The following SMYD3 variants were observed in gnomAD, a reference collection of about 807,000 sequenced individuals.
The protein encoded by SMYD3 is SET and MYND domain containing 3.
In SMYD3, 36 loss-of-function variants were observed where a neutral mutation model predicts 57.7. That is an observed-to-expected ratio of 0.62 (90% CI 0.48 to 0.82). SMYD3 has a LOEUF of 0.82. Ranked by LOEUF, SMYD3 falls within the 40% of genes least tolerant of loss-of-function variation. SMYD3 has a pLI of 0.00. For synonymous variants in SMYD3, 211 were observed against 195.0 expected (o/e 1.08, Z -0.68); for missense variants, 515 against 538.8 (o/e 0.96, Z 0.44).
chr1:246,444,273 G>GCC (rs765905775), intron 1 of SMYD3, among the ~76,000 whole-genome samples: 2,289 of 152,182 alleles, frequency 0.015, 27 homozygotes, highest in Non-Finnish European at 0.024. Flanking sequence ...TTACAGGCAT[G>GCC]TGCCACCACG....
intron 10 of SMYD3, among the ~76,000 whole-genome samples, chr1:245,825,256 C>A (rs1051290125): frequency 6.6e-6 from 1 of 152,176 alleles, no homozygotes; most frequent in Non-Finnish European, 1.5e-5. Flanking sequence ...CATCTCCCTA[C>A]GTTCTCTTAG....
intron 1 of SMYD3, among the ~76,000 whole-genome samples, chr1:246,417,070 C>T (rs957134582): frequency 2.6e-5 from 4 of 152,158 alleles, no homozygotes; most frequent in Non-Finnish European, 4.4e-5. Flanking sequence ...CCTCTGTTCA[C>T]CCTACAGTTC....
At chr1:245,773,662 AT>A (rs1297438131) in intron 10 of SMYD3, among the ~76,000 whole-genome samples, 2 of 152,164 alleles carry the variant, frequency 1.3e-5, no homozygotes, top group Non-Finnish European at 1.5e-5. Flanking sequence ...TGACAGCACT[AT>A]TTTTTTAGAG....
chr1:246,462,707 T>C (rs2067820822), intron 1 of SMYD3, among the ~76,000 whole-genome samples: 1 of 152,122 alleles, frequency 6.6e-6, no homozygotes, highest in Non-Finnish European at 1.5e-5. Flanking sequence ...TTTTATGTTG[T>C]AAGAAATCAG....
chr1:246,117,121 C>T (rs1442175858), intron 5 of SMYD3, among the ~76,000 whole-genome samples: 1 of 152,206 alleles, frequency 6.6e-6, no homozygotes, highest in Non-Finnish European at 1.5e-5. Flanking sequence ...AAATAATCCA[C>T]TCTACACTTG....
chr1:246,252,663 G>A (rs868426684), intron 5 of SMYD3, among the ~76,000 whole-genome samples: 6 of 152,260 alleles, frequency 3.9e-5, no homozygotes, highest in Admixed American at 1.3e-4. Flanking sequence ...TTCTAAAGAC[G>A]TCTGTCCTGA....
At chr1:246,432,099 T>C (rs1254731843) in intron 1 of SMYD3, among the ~76,000 whole-genome samples, 2 of 152,212 alleles carry the variant, frequency 1.3e-5, no homozygotes, top group African/African-American at 4.8e-5. Context: ...AAACTTAGAT[T>C]GGACTACATG....
chr1:246,328,242 G>A (rs554620251), intron 4 of SMYD3, among the ~76,000 whole-genome samples: 1 of 152,214 alleles, frequency 6.6e-6, no homozygotes, highest in South Asian at 2.1e-4. Context: ...AACCCAAACA[G>A]AAGGAGATGG....
chr1:246,435,313 A>G (rs2067354781), intron 1 of SMYD3, among the ~76,000 whole-genome samples: 1 of 151,992 alleles, frequency 6.6e-6, no homozygotes, highest in African/African-American at 2.4e-5. Flanking sequence ...AATCTAAAAT[A>G]AAAGTTGAAA....
chr1:246,090,511 T>C (rs2060803422), intron 5 of SMYD3, among the ~76,000 whole-genome samples: 1 of 104,578 alleles, frequency 9.6e-6, no homozygotes, highest in African/African-American at 3.6e-5. Context: ...GCTGTTTTTC[T>C]TTCTCTCTCT....
chr1:246,361,719 C>T (rs1856692), intron 1 of SMYD3, among the ~76,000 whole-genome samples: 1 of 151,948 alleles, frequency 6.6e-6, no homozygotes, highest in African/African-American at 2.4e-5. Context: ...ATCGTATGTT[C>T]TCACTCATAT....
chr1:245,919,364 T>C lies in SMYD3; in HGVS notation c.703-3724A>G, dbSNP rs912942290. On this transcript the variant is annotated intron_variant, in intron 7 of 11. Transcript: ENST00000490107. ...GTACATTGCTAGACCTCTGAAACAA[T>C]GAACACCATGCCAACATGTGTCTGG... Among the ~76,000 whole-genome samples, 4 of 152,248 alleles carry C rather than the reference T, an allele frequency of 2.6e-5. No homozygotes were observed. In the South Asian group the frequency reaches 6.2e-4, roughly 24 times the overall value.
At chr1:245,954,295 T>C (rs1431308599) in intron 5 of SMYD3, among the ~76,000 whole-genome samples, 1 of 152,138 alleles carries the variant, frequency 6.6e-6, no homozygotes, top group Non-Finnish European at 1.5e-5. Flanking sequence ...ATATGGCAAT[T>C]ATACCAATAA....
intron 5 of SMYD3, among the ~76,000 whole-genome samples, chr1:246,043,325 A>C (rs1484936139): frequency 6.6e-6 from 1 of 152,260 alleles, no homozygotes; most frequent in Non-Finnish European, 1.5e-5. Flanking sequence ...AAGCAGTAGA[A>C]GCCAATCAAT....
chr1:246,312,838 C>G (rs72776391), intron 5 of SMYD3, among the ~76,000 whole-genome samples: 26,798 of 152,142 alleles, frequency 0.18, 2,637 homozygotes, highest in East Asian at 0.3. Flanking sequence ...GGTTAAAAGA[C>G]TTCCGAAGGT....
At chr1:246,491,545 A>T (rs148875124) in intron 1 of SMYD3, among the ~76,000 whole-genome samples, 7 of 93,186 alleles carry the variant, frequency 7.5e-5, no homozygotes, top group East Asian at 2.0e-4. Flanking sequence ...CGTCTCAAAT[A>T]AAAAAAAAAA....
chr1:246,019,006 TA>T (rs929336029), intron 5 of SMYD3, among the ~76,000 whole-genome samples: 3 of 152,224 alleles, frequency 2.0e-5, no homozygotes, highest in African/African-American at 7.2e-5. Flanking sequence ...GTTCTTGACT[TA>T]TTTTTTTTAA....
chr1:245,856,699 G>A (rs548705525), intron 10 of SMYD3, among the ~76,000 whole-genome samples: 11 of 152,274 alleles, frequency 7.2e-5, no homozygotes, highest in South Asian at 6.2e-4. Context: ...TGGATGTGGT[G>A]GACCCATGTA....
intron 1 of SMYD3, among the ~76,000 whole-genome samples, chr1:246,475,064 C>A (rs914757792): frequency 6.6e-6 from 1 of 152,132 alleles, no homozygotes; most frequent in Non-Finnish European, 1.5e-5. Context: ...CATCTGTAAT[C>A]CCAGCACTTT....
Sources: gnomAD v4.1 joint callset for allele counts (sites outside exome capture counted in the v4.1 genomes callset) on GRCh38, gnomAD v4.1.1 for gene constraint, MANE v1.5 for transcripts, NCBI Gene and HGNC (gene_info 2026-07-23, HGNC 2026-07-21) for gene names.